Variants in GRAMD1C observed in about 807,000 individuals in gnomAD.
GRAMD1C encodes protein Aster-C.
A neutral mutation model predicts 97.8 loss-of-function variants in GRAMD1C; 89 were observed. The ratio of observed to expected loss-of-function variants is 0.91; its 90% CI spans 0.77 to 1.09. GRAMD1C has a LOEUF of 1.09. Ranked by LOEUF, GRAMD1C falls within the 50% of genes least tolerant of loss-of-function variation. GRAMD1C has a pLI of 0.00. For missense variants in GRAMD1C, 740 were observed against 766.4 expected (o/e 0.97, Z 0.41); for synonymous variants, 256 against 267.0 (o/e 0.96, Z 0.40).
upstream of GRAMD1C, chr3:113,838,575 CAAAAAA>C: frequency 5.7e-6 from 1 of 175,232 alleles, no homozygotes. Context: ...AACTCCGTCT[CAAAAAA>C]AAAAAAAAAA....
chr3:113,885,691 A>C (rs878913500), intron 6 of GRAMD1C: 7 of 1,525,562 alleles, frequency 4.6e-6, no homozygotes, highest in Admixed American at 3.3e-5. Flanking sequence ...GTGTTTACAG[A>C]AAGCATGGAG....
upstream of GRAMD1C, among the ~76,000 whole-genome samples, chr3:113,834,292 G>T (rs1234422448): frequency 6.6e-6 from 1 of 152,112 alleles, no homozygotes; most frequent in Non-Finnish European, 1.5e-5. Flanking sequence ...CGATTTTCCT[G>T]CCTCAGCCTC....
chr3:113,946,873 G>A lies in GRAMD1C; in HGVS notation c.*1395G>A, dbSNP rs1938115449. 1 of 152,180 alleles carries A rather than the reference G, an allele frequency of 6.6e-6. No individual in the cohort carries two copies. The highest frequency in any genetic ancestry group is 2.4e-5 in the African/African-American group (1 of 41,424). 9.4% of individuals were successfully genotyped at this position (152,180 alleles called of 1,614,324 possible). A position where few individuals can be genotyped will look rare whatever the true frequency, so the allele number is the denominator to read the frequency against. On this transcript the variant is annotated 3_prime_UTR_variant, in exon 18 of 18. Coordinates refer to ENST00000358160, the MANE Select transcript of GRAMD1C (RefSeq NM_017577.5). ...TGAATTCCAACGAAGCATACCTAGG[G>A]GTAACAGTGAACCTACCTGGGTTTG...
At chr3:113,929,938 T>G (rs1034701504) in intron 10 of GRAMD1C, among the ~76,000 whole-genome samples, 8 of 152,206 alleles carry the variant, frequency 5.3e-5, no homozygotes, top group African/African-American at 1.7e-4. Context: ...CTAAGTCGAT[T>G]TGTGCTGGGG....
intron 2 of GRAMD1C, chr3:113,850,200 A>G (rs1347676625): frequency 4.3e-6 from 2 of 469,588 alleles, no homozygotes; most frequent in Admixed American, 5.4e-5. Flanking sequence ...TTTTTGCTGT[A>G]CGTTTATTCA....
chr3:113,915,253 A>G (rs1258466269), intron 9 of GRAMD1C, among the ~76,000 whole-genome samples: 1 of 152,210 alleles, frequency 6.6e-6, no homozygotes, highest in Non-Finnish European at 1.5e-5. Context: ...AGCTAAGTGC[A>G]GCAGATATTA....
At chr3:113,879,216 A>C (rs1164971455) in intron 5 of GRAMD1C, among the ~76,000 whole-genome samples, 25 of 142,770 alleles carry the variant, frequency 1.8e-4, no homozygotes, top group African/African-American at 5.4e-4. Context: ...AAAAAAAAAA[A>C]CCAAAAAACA....
chr3:113,928,908 C>T (rs1184033091), intron 10 of GRAMD1C, among the ~76,000 whole-genome samples: 1 of 152,202 alleles, frequency 6.6e-6, no homozygotes, highest in Non-Finnish European at 1.5e-5. Context: ...ATGTTAGCTA[C>T]TGTAAATAAT....
At position 113,936,445 on chromosome 3, in the gene GRAMD1C, A is replaced by G; in HGVS notation, c.1633+3A>G. 6.3e-7 allele frequency: 1 copy of G among 1,576,184 alleles called. No individual in the cohort carries two copies. Among genetic ancestry groups the G allele is most frequent in the Non-Finnish European group, 8.7e-7 (1 of 1,154,968 alleles). ...AGGTGCCAAAGGGGATATTACAGGT[A>G]GTTGTCACCTGGTAAACAGAGATGA... On this transcript the variant is annotated splice_donor_region_variant and intron_variant, in intron 14 of 17. Coordinates refer to ENST00000358160, the MANE Select transcript of GRAMD1C (RefSeq NM_017577.5).
chr3:113,857,473 T>A (rs1434630249), intron 2 of GRAMD1C, among the ~76,000 whole-genome samples: 2 of 151,876 alleles, frequency 1.3e-5, no homozygotes. Context: ...CCTCCCGGGT[T>A]CACACCATTC....
In GRAMD1C at chr3:113,936,276, G is replaced by A; in HGVS notation, c.1467G>A (p.Leu489=). 2 of 1,539,486 alleles carry A rather than the reference G, an allele frequency of 1.3e-6. No homozygotes were observed. Among genetic ancestry groups the A allele is most frequent in the Non-Finnish European group, 1.8e-6 (2 of 1,129,216 alleles). Residue 489 remains leucine, a synonymous_variant, in exon 14 of 18, where the codon TTG becomes TTA. Transcript: ENST00000358160. ...TTTTTTTTTTCTTAGAATCAGATTT[G>A]TTAATTGAAGAATCTGTATTAAATC... The part of the protein sequence containing the change: ...EDYFKQLESD[L]LIEESVLNQA...
At position 113,844,564 on chromosome 3, in the gene GRAMD1C, C is replaced by CTAG; in HGVS notation, c.91_93dup (p.Ser31dup). ...TTACAGGAAGATGTAGAGGAAAATC[C>CTAG]TAGTCCAACTGTGGAAGAGAATAAT... On this transcript the variant is annotated inframe_insertion, in exon 2 of 18. Transcript: ENST00000358160. The CTAG allele has an allele frequency of 6.2e-7, 1 of 1,603,298 alleles. No homozygotes were observed. Among genetic ancestry groups the CTAG allele is most frequent in the Non-Finnish European group, 8.5e-7 (1 of 1,172,248 alleles).
At chr3:113,834,158 C>A (rs116705710), upstream of GRAMD1C, among the ~76,000 whole-genome samples, 2,703 of 152,158 alleles carry the variant, frequency 0.018, 76 homozygotes, top group African/African-American at 0.059. Flanking sequence ...GCCAAATTCG[C>A]TATATTACTT....
chr3:113,935,216 C>T (rs1450213100), intron 13 of GRAMD1C, among the ~76,000 whole-genome samples: 1 of 152,006 alleles, frequency 6.6e-6, no homozygotes, highest in Non-Finnish European at 1.5e-5. Flanking sequence ...ATCAAGATCA[C>T]ACAGTTAAGA....
At chr3:113,940,614 A>G (rs1937728145) in intron 17 of GRAMD1C, among the ~76,000 whole-genome samples, 1 of 151,694 alleles carries the variant, frequency 6.6e-6, no homozygotes, top group Non-Finnish European at 1.5e-5. Context: ...AGATGTTTCC[A>G]TATCAGTGTG....
intron 6 of GRAMD1C, among the ~76,000 whole-genome samples, chr3:113,898,490 A>T (rs551818197): frequency 9.2e-5 from 14 of 152,140 alleles, no homozygotes; most frequent in Non-Finnish European, 2.1e-4. Context: ...CAAATGACTC[A>T]TTTGGAGTGG....
At chr3:113,855,577 C>T (rs1354176492) in intron 2 of GRAMD1C, among the ~76,000 whole-genome samples, 5 of 149,942 alleles carry the variant, frequency 3.3e-5, no homozygotes, top group African/African-American at 7.4e-5. Flanking sequence ...TGGTGGTGCG[C>T]GCCTGTAATC....
intron 1 of GRAMD1C, among the ~76,000 whole-genome samples, chr3:113,839,140 G>A (rs1559771864): frequency 6.6e-6 from 1 of 152,154 alleles, no homozygotes; most frequent in Non-Finnish European, 1.5e-5. Flanking sequence ...CGGTGGTGGG[G>A]ACATTTGCTT....
At chr3:113,928,054 C>T (rs1937290386) in intron 10 of GRAMD1C, among the ~76,000 whole-genome samples, 1 of 152,152 alleles carries the variant, frequency 6.6e-6, no homozygotes, top group Non-Finnish European at 1.5e-5. Context: ...ACACAGGTGC[C>T]TGTGTACAAT....
Sources: allele counts gnomAD v4.1 joint callset (sites outside exome capture counted in the v4.1 genomes callset), GRCh38; gene constraint gnomAD v4.1.1; transcripts MANE v1.5; gene names NCBI Gene and HGNC (gene_info 2026-07-23, HGNC 2026-07-21).